The following CDS1 variants were observed in gnomAD, a reference collection of about 807,000 sequenced individuals.
The protein encoded by CDS1 is phosphatidate cytidylyltransferase 1.
A neutral mutation model predicts 62.1 loss-of-function variants in CDS1; 41 were observed. The observed-to-expected ratio is 0.66, with a 90% confidence interval of 0.51 to 0.86. The LOEUF is 0.86. CDS1 is among the 40% of genes least tolerant of loss of function. CDS1 has a pLI of 0.00. For missense variants in CDS1, 470 were observed against 550.1 expected, an observed-to-expected ratio of 0.85 and a Z score of 1.46; for synonymous variants, 185 against 192.6, an observed-to-expected ratio of 0.96 and a Z score of 0.32.
intron 3 of CDS1, among the ~76,000 whole-genome samples, chr4:84,610,239 A>G (rs1723276046): frequency 6.6e-6 from 1 of 152,186 alleles, no homozygotes; most frequent in African/African-American, 2.4e-5. Flanking sequence ...GGGCTTCCAG[A>G]AGAGACAGTG....
At chr4:84,594,936 C>T (rs527322021) in intron 1 of CDS1, among the ~76,000 whole-genome samples, 1 of 152,160 alleles carries the variant, frequency 6.6e-6, no homozygotes, top group East Asian at 1.9e-4. Flanking sequence ...CCAGGCTGGT[C>T]TCAAACTCCT....
rs189540216 is a variant in CDS1 at position 84,649,613 on chromosome 4, C to A, written c.*927C>A. On this transcript the variant is annotated 3_prime_UTR_variant, in exon 13 of 13. Coordinates refer to ENST00000295887, the MANE Select transcript of CDS1 (RefSeq NM_001263.4). ...CTGCAGCAGAGCAGGAGATGCTTGC[C>A]CGAGTGGGAGCAACCCACCCCCGTG... 2 of 152,268 alleles carry A rather than the reference C, an allele frequency of 1.3e-5. No individual in the cohort carries two copies. Among genetic ancestry groups the A allele is most frequent in the African/African-American group, 4.8e-5 (2 of 41,402 alleles). 9.4% of individuals were successfully genotyped at this position (152,268 alleles called of 1,614,324 possible). A position where few individuals can be genotyped will look rare whatever the true frequency, so the allele number is the denominator to read the frequency against.
Position 84,594,454 on chromosome 4 carries a change from AT to A in CDS1, c.118-9779del, listed in dbSNP as rs879459496. Reference sequence around the variant, plus strand: ...ATGTAGATTTCCTTTATAGATATACATTTTTTTTTTACAAAATAACTGCATT... The same window carrying A: ...ATGTAGATTTCCTTTATAGATATACATTTTTTTTTACAAAATAACTGCATT... On this transcript the variant is annotated intron_variant, in intron 1 of 12. Transcript: ENST00000295887. Among the ~76,000 whole-genome samples the A allele has an allele frequency of 9.4e-4, 141 of 149,640 alleles. 1 individual carries two copies. Among genetic ancestry groups the A allele is most frequent in the African/African-American group, 3.0e-3 (124 of 40,850 alleles).
intron 2 of CDS1, among the ~76,000 whole-genome samples, chr4:84,606,813 T>G (rs1723108574): frequency 6.6e-6 from 1 of 152,078 alleles, no homozygotes; most frequent in Non-Finnish European, 1.5e-5. Context: ...CCCAGGTAAC[T>G]GGGACTACAG....
At position 84,648,611 on chromosome 4, in the gene CDS1, G is replaced by A; in HGVS notation, c.1311G>A (p.Gln437=). The change falls in exon 13 of 13, where the codon CAG becomes CAA. Residue 437 remains glutamine, a synonymous_variant. Coordinates refer to ENST00000295887, the MANE Select transcript of CDS1 (RefSeq NM_001263.4). ...AGTTGTTGGTGCTTCAACCTGAACA[G>A]CAGTTAAATATATATAAAACCCTGA... ...LQQLLVLQPE[Q]QLNIYKTLKT... The A allele has an allele frequency of 6.2e-7, 1 of 1,613,776 alleles. No homozygotes were observed. The highest frequency in any genetic ancestry group is 8.5e-7 in the Non-Finnish European group (1 of 1,179,750).
chr4:84,614,132 C>T (rs142362531), intron 3 of CDS1, among the ~76,000 whole-genome samples: 19 of 152,152 alleles, frequency 1.2e-4, no homozygotes, highest in African/African-American at 4.3e-4. Context: ...AATTTTGTGG[C>T]CAGGTGCGGT....
rs1052464450 is a variant in CDS1, at chr4:84,608,725, CT to C, written c.246-703del. 4.6e-4 allele frequency among the ~76,000 whole-genome samples: 70 copies of C among 152,204 alleles called. 1 individual carries two copies. The highest frequency in any genetic ancestry group is 4.1e-3 in the Admixed American group (63 of 15,284). On this transcript the variant is annotated intron_variant, in intron 2 of 12. Transcript: ENST00000295887. ...TTCTTAAAATCATGACTGTATTCAT[CT>C]GCCATCCTAATTGGGCATCATCTCT...
rs1372837712 is a variant in CDS1, at chr4:84,635,608, TGCC to T, written c.810+258_810+260del. Among the ~76,000 whole-genome samples, 136 of 97,222 alleles carry T rather than the reference TGCC, an allele frequency of 1.4e-3. 2 individuals are homozygous for T. The highest frequency in any genetic ancestry group is 1.4e-3 in the Non-Finnish European group (67 of 48,184). The allele number at this position is 97,222 out of a possible 152,430, so 63.8% of individuals were successfully genotyped here. On this transcript the variant is annotated intron_variant, in intron 8 of 12. Coordinates refer to ENST00000295887, the MANE Select transcript of CDS1 (RefSeq NM_001263.4). ...CTGCCTGCCTGCCTGCCTGCCTGCC[TGCC>T]TGCCTGCCTGCCTGCCTTCCTTCCT...
At chr4:84,644,563 AGG>A (rs1724496751) in intron 11 of CDS1, among the ~76,000 whole-genome samples, 1 of 152,170 alleles carries the variant, frequency 6.6e-6, no homozygotes, top group South Asian at 2.1e-4. Context: ...AGATATTTTT[AGG>A]GTGCCTGAGT....
chr4:84,599,630 GTATA>G (rs543750981), intron 1 of CDS1, among the ~76,000 whole-genome samples: 11 of 149,938 alleles, frequency 7.3e-5, no homozygotes, highest in African/African-American at 2.7e-4. Flanking sequence ...ACGTGTGTGT[GTATA>G]TATATATATA....
intron 5 of CDS1, among the ~76,000 whole-genome samples, chr4:84,625,556 C>T (rs117749421): frequency 4.0e-5 from 6 of 151,804 alleles, no homozygotes; most frequent in South Asian, 2.1e-4. Flanking sequence ...CCATTCCAGG[C>T]GGAGGAACAG....
At chr4:84,627,287 ATAT>A (rs1723891302) in intron 5 of CDS1, among the ~76,000 whole-genome samples, 1 of 152,204 alleles carries the variant, frequency 6.6e-6, no homozygotes, top group Non-Finnish European at 1.5e-5. Flanking sequence ...GACTTGTTTA[ATAT>A]TATACAAAAT....
At chr4:84,643,287 T>C in intron 11 of CDS1, 144 bp downstream of exon 11, 1 of 667,948 alleles carries the variant, frequency 1.5e-6, no homozygotes, top group Non-Finnish European at 2.5e-6. Context: ...ACAGAAATGC[T>C]GCCACGTTGA....
At chr4:84,594,891 A>AT (rs1030183396) in intron 1 of CDS1, among the ~76,000 whole-genome samples, 32 of 151,624 alleles carry the variant, frequency 2.1e-4, no homozygotes, top group African/African-American at 5.6e-4. Flanking sequence ...TAATTTTTAC[A>AT]TTTTTTTTGT....
intron 5 of CDS1, among the ~76,000 whole-genome samples, chr4:84,627,275 A>G (rs558495606): frequency 4.6e-5 from 7 of 152,354 alleles, no homozygotes; most frequent in South Asian, 4.1e-4. Flanking sequence ...ATGAAATTAA[A>G]TGACTTGTTT....
chr4:84,630,342 G>C (rs916663079), intron 5 of CDS1, among the ~76,000 whole-genome samples: 2 of 152,074 alleles, frequency 1.3e-5, no homozygotes, highest in Admixed American at 6.5e-5. Flanking sequence ...CCTATTGCTT[G>C]TGCAGGCCAG....
At position 84,617,592 on chromosome 4, in the gene CDS1, A is replaced by G. The variant is rs763389247; in HGVS notation, c.371A>G (p.His124Arg). The change falls in exon 4 of 13, where the codon CAT (histidine) becomes CGT (arginine). Residue 124 changes from histidine (H) to arginine (R), a missense_variant. By Grantham distance (29) the His-to-Arg change is conservative. Coordinates refer to ENST00000295887, the MANE Select transcript of CDS1 (RefSeq NM_001263.4). ...CTGGGCATCCAAGTGAAATGCTTCC[A>G]TGAAATTATCACTATAGGTTATAGA... ...LVLGIQVKCF[H>R]EIITIGYRVY... 3 of 1,592,756 alleles carry G rather than the reference A, an allele frequency of 1.9e-6. No homozygotes were observed. The highest frequency in any genetic ancestry group is 2.6e-6 in the Non-Finnish European group (3 of 1,163,568).
chr4:84,648,941 A>G lies in CDS1; in HGVS notation c.*255A>G, dbSNP rs192732030. On this transcript the variant is annotated 3_prime_UTR_variant, in exon 13 of 13. Transcript: ENST00000295887. ...TTCTGATGTGAACTTCCTTCCCCTTACTTGCTAGGTTTCATAATTTAAAAG... is the reference window on the plus strand; with the variant it reads ...TTCTGATGTGAACTTCCTTCCCCTTGCTTGCTAGGTTTCATAATTTAAAAG... The G allele has an allele frequency of 1.5e-3, 462 of 299,430 alleles. No homozygotes were observed. The highest frequency in any genetic ancestry group is 2.3e-3 in the Non-Finnish European group (370 of 163,608). The allele number at this position is 299,430 out of a possible 1,614,324, so 18.5% of individuals were successfully genotyped here.
At chr4:84,637,241 C>A (rs958172380) in intron 8 of CDS1, among the ~76,000 whole-genome samples, 5 of 152,116 alleles carry the variant, frequency 3.3e-5, no homozygotes, top group Non-Finnish European at 7.4e-5. Flanking sequence ...ACATGATTTA[C>A]GTATTCAAGA....
Sources: gnomAD v4.1 joint callset for allele counts (sites outside exome capture counted in the v4.1 genomes callset) on GRCh38, gnomAD v4.1.1 for gene constraint, MANE v1.5 for transcripts, NCBI Gene and HGNC (gene_info 2026-07-23, HGNC 2026-07-21) for gene names.